The following RRP12 variants were observed in gnomAD, a reference collection of about 807,000 sequenced individuals.
RRP12 encodes the protein RRP12-like protein.
Under a neutral mutation model 157.3 loss-of-function variants are expected in RRP12, and 78 were observed. The observed-to-expected ratio is 0.50, with a 90% CI of 0.41 to 0.60. The LOEUF is 0.60. Among genes scored for constraint, RRP12 ranks in the 20% least tolerant of loss-of-function variants. RRP12 has a pLI of 0.00. For missense variants in RRP12, 1,521 were observed against 1,679.9 expected, an observed-to-expected ratio of 0.91 and a Z score of 1.65; for synonymous variants, 726 against 670.9, an observed-to-expected ratio of 1.08 and a Z score of -1.27.
chr10:97,381,985 A>T (rs931116333), intron 10 of RRP12, among the ~76,000 whole-genome samples, 159 bp from the exon 11 acceptor site: 5 of 152,184 alleles, frequency 3.3e-5, no homozygotes, highest in Admixed American at 3.3e-4. Context: ...TTAAAAAGGC[A>T]CTATCGTTCA....
chr10:97,379,769 C>A lies in RRP12; in HGVS notation c.1535G>T (p.Cys512Phe). Residue 512 changes from cysteine (C) to phenylalanine (F), a missense_variant and splice_region_variant, in exon 14 of 34, where the codon TGC (cysteine) becomes TTC (phenylalanine). By Grantham distance (205) the Cys-to-Phe change is radical (BLOSUM62 -2). Coordinates refer to ENST00000370992, the MANE Select transcript of RRP12 (RefSeq NM_015179.4). ...GRQAHPVMRK[C>F]LQSLCDLRLS... The stretch of plus-strand genomic sequence containing the variant: ...GCGCAGGTCACACAGGGACTGGAGG[C>A]ACTGCAGCAGAGATGAGTGACCACA... 1 of 1,607,064 alleles carries A rather than the reference C, an allele frequency of 6.2e-7. No individual in the cohort carries two copies.
In RRP12 at chr10:97,356,932, G is replaced by T; in HGVS notation, c.*162C>A. The T allele has an allele frequency of 1.8e-6, 1 of 564,476 alleles. No homozygotes were observed. Among genetic ancestry groups the T allele is most frequent in the South Asian group, 2.2e-5 (1 of 45,426 alleles). 35.0% of individuals were successfully genotyped at this position (564,476 alleles called of 1,614,324 possible). On this transcript the variant is annotated 3_prime_UTR_variant, in exon 34 of 34. Coordinates refer to ENST00000370992, the MANE Select transcript of RRP12 (RefSeq NM_015179.4). ...TGTCTCTGAAGGGTGATTCCATTTG[G>T]AGTTTCCAAAATCCAGGACTTCTGA...
At chr10:97,386,825 C>G (rs1844645298) in intron 8 of RRP12, among the ~76,000 whole-genome samples, 3 of 152,078 alleles carry the variant, frequency 2.0e-5, no homozygotes, top group African/African-American at 7.2e-5. Flanking sequence ...CCCGTGTCTA[C>G]TAAAAATACA....
intron 4 of RRP12, 55 bp downstream of exon 4, chr10:97,393,629 T>C (rs1440659902): frequency 1.4e-5 from 18 of 1,323,638 alleles, no homozygotes; most frequent in Non-Finnish European, 2.0e-5. Flanking sequence ...CCTGTCCACA[T>C]TCCCTTCTCC....
intron 13 of RRP12, 115 bp downstream of exon 13, chr10:97,380,684 T>G (rs1233079578): frequency 1.4e-6 from 1 of 738,226 alleles, no homozygotes; most frequent in East Asian, 2.7e-5. Flanking sequence ...TATGGCCCTG[T>G]CAGGGTGGGG....
intron 3 of RRP12, among the ~76,000 whole-genome samples, chr10:97,394,025 A>T (rs1370221454): frequency 2.6e-5 from 4 of 152,190 alleles, no homozygotes; most frequent in Non-Finnish European, 5.9e-5. Flanking sequence ...TATATATAAA[A>T]TACTGCCTGA....
chr10:97,365,927 G>A lies in RRP12; in HGVS notation c.3517+181C>T, dbSNP rs190471292. 1.3e-3 allele frequency: 995 copies of A among 758,840 alleles called. 16 individuals carry two copies. The South Asian group carries it at 0.015, about 12-fold the overall frequency. 47.0% of individuals were successfully genotyped at this position (758,840 alleles called of 1,614,324 possible). A position where few individuals can be genotyped will look rare whatever the true frequency, so the allele number is the denominator to read the frequency against. ...TAAATATGTATTGTATAAATGGCTC[G>A]GTTACAACATAAAAAGATTTCTTAA... On this transcript the variant is annotated intron_variant, in intron 29 of 33. Coordinates refer to ENST00000370992, the MANE Select transcript of RRP12 (RefSeq NM_015179.4).
chr10:97,386,694 C>T (rs775890674), intron 8 of RRP12, among the ~76,000 whole-genome samples: 7 of 152,022 alleles, frequency 4.6e-5, no homozygotes, highest in Admixed American at 1.3e-4. Flanking sequence ...ATAAACACTA[C>T]AAGAGAATAT....
intron 31 of RRP12, among the ~76,000 whole-genome samples, chr10:97,359,880 G>A (rs1843798900): frequency 6.6e-6 from 1 of 152,252 alleles, no homozygotes; most frequent in Non-Finnish European, 1.5e-5. Context: ...AGGTTGTGCA[G>A]CTGCGTTATG....
rs774473642 is a variant in RRP12 at position 97,371,086 on chromosome 10, C to A, written c.2344-5G>T. 6.2e-7 allele frequency: 1 copy of A among 1,612,698 alleles called. No individual in the cohort carries two copies. Among genetic ancestry groups the A allele is most frequent in the East Asian group, 2.2e-5 (1 of 44,878 alleles). On this transcript the variant is annotated splice_region_variant and splice_polypyrimidine_tract_variant and intron_variant, in intron 20 of 33. Coordinates refer to ENST00000370992, the MANE Select transcript of RRP12 (RefSeq NM_015179.4). ...CTGCACCCCGTGGGCCTTGCTCTGGCAGACAGGAACCGGTGAGGGAGGCCT... is the reference window on the plus strand; with the variant it reads ...CTGCACCCCGTGGGCCTTGCTCTGGAAGACAGGAACCGGTGAGGGAGGCCT...
chr10:97,375,220 A>T (rs903336008), intron 15 of RRP12, among the ~76,000 whole-genome samples: 1 of 151,024 alleles, frequency 6.6e-6, no homozygotes, highest in Non-Finnish European at 1.5e-5. Context: ...CAGTCTCCCA[A>T]GTAGCTGGAA....
chr10:97,374,004 T>A (rs952931161), intron 15 of RRP12, 110 bp from the exon 16 acceptor site: 5 of 799,938 alleles, frequency 6.3e-6, no homozygotes, highest in African/African-American at 3.4e-5. Flanking sequence ...TATGGGTGAC[T>A]TCCCCCCATC....
intron 18 of RRP12, 66 bp downstream of exon 18, chr10:97,372,980 G>C (rs192929014): frequency 2.6e-6 from 4 of 1,517,146 alleles, no homozygotes; most frequent in East Asian, 4.8e-5. Context: ...GTAGGGTCTC[G>C]GCCTCTCTGA....
chr10:97,363,927 A>G, intron 29 of RRP12, 24 bp from the exon 30 acceptor site: 1 of 1,612,076 alleles, frequency 6.2e-7, no homozygotes, highest in Non-Finnish European at 8.5e-7. Flanking sequence ...AGAGAGGCCC[A>G]TGAGCGCTGT....
At chr10:97,374,809 AT>A (rs1483602479) in intron 15 of RRP12, among the ~76,000 whole-genome samples, 1 of 150,988 alleles carries the variant, frequency 6.6e-6, no homozygotes, top group African/African-American at 2.4e-5. Flanking sequence ...GGAATATACT[AT>A]ATATATAGCA....
intron 10 of RRP12, among the ~76,000 whole-genome samples, chr10:97,382,435 G>A (rs1170187115): frequency 6.6e-6 from 1 of 152,198 alleles, no homozygotes; most frequent in Non-Finnish European, 1.5e-5. Context: ...ATAAGCCACT[G>A]CACCTGGCCT....
intron 13 of RRP12, 134 bp downstream of exon 13, chr10:97,380,665 G>T (rs1844440541): frequency 1.5e-6 from 1 of 663,652 alleles, no homozygotes; most frequent in Admixed American, 2.4e-5. Flanking sequence ...TACTGCATGG[G>T]GCACCTGCTA....
At chr10:97,400,555 A>G in intron 1 of RRP12, 21 bp from the exon 2 acceptor site, 3 of 1,596,550 alleles carry the variant, frequency 1.9e-6, no homozygotes, top group Non-Finnish European at 2.6e-6. Context: ...GAGGCACAAG[A>G]TAAGGTCCAA....
chr10:97,357,978 AG>A (rs1222791170), intron 33 of RRP12, among the ~76,000 whole-genome samples: 1 of 151,768 alleles, frequency 6.6e-6, no homozygotes, highest in African/African-American at 2.4e-5. Context: ...AAAAAAAAAA[AG>A]ATGACTATGT....
Sources: gnomAD v4.1 joint callset for allele counts (sites outside exome capture counted in the v4.1 genomes callset) on GRCh38, gnomAD v4.1.1 for gene constraint, MANE v1.5 for transcripts, NCBI Gene and HGNC (gene_info 2026-07-23, HGNC 2026-07-21) for gene names.